The following TMEM217 variants were observed in gnomAD, a reference collection of about 807,000 sequenced individuals.
TMEM217 encodes the protein chromosome 6 open reading frame 128.
For synonymous variants in TMEM217, 76 were observed against 88.3 expected (o/e 0.86, Z 0.78); for missense variants, 204 against 248.8 (o/e 0.82, Z 1.21).
At chr6:37,215,355 T>C, downstream of TMEM217, 1 of 1,522,412 alleles carries the variant, frequency 6.6e-7, no homozygotes, top group Non-Finnish European at 8.8e-7. Flanking sequence ...GGCAGGCGGA[T>C]CACGAGGTCA....
At position 37,218,520 on chromosome 6, in the gene TMEM217, T is replaced by A; in HGVS notation, c.511A>T (p.Thr171Ser). 3.7e-6 allele frequency: 6 copies of A among 1,614,170 alleles called. No individual in the cohort carries two copies. The South Asian group carries it at 6.6e-5, about 18-fold the overall frequency. ...TTTCTGCTGTGGAGAATCTCCGCTG[T>A]AGAAATTCGTCTCTTGTAGGAAATT... Residue 171 changes from threonine to serine, a missense_variant, in exon 2 of 2, where the codon ACA becomes TCA. By Grantham distance (58) the Thr-to-Ser change is moderately conservative (BLOSUM62 1). Transcript: ENST00000357219.
At chr6:37,228,987 A>G (rs1015190516) in intron 1 of TMEM217, among the ~76,000 whole-genome samples, 1 of 151,462 alleles carries the variant, frequency 6.6e-6, no homozygotes, top group Non-Finnish European at 1.5e-5. Flanking sequence ...ACAGAGAGAG[A>G]CTCCGTCTCA....
At chr6:37,228,893 A>G (rs1764003032) in intron 1 of TMEM217, among the ~76,000 whole-genome samples, 1 of 151,384 alleles carries the variant, frequency 6.6e-6, no homozygotes, top group African/African-American at 2.4e-5. Flanking sequence ...GCTACTCAGG[A>G]GGCCGAGGCA....
chr6:37,238,363 A>T (rs1764598693), intron 1 of TMEM217, among the ~76,000 whole-genome samples: 1 of 152,216 alleles, frequency 6.6e-6, no homozygotes, highest in Non-Finnish European at 1.5e-5. Flanking sequence ...TGCATATAAA[A>T]CTACTATTTA....
intron 1 of TMEM217, among the ~76,000 whole-genome samples, chr6:37,235,166 C>CT (rs1300871166): frequency 6.6e-6 from 1 of 152,024 alleles, no homozygotes; most frequent in Non-Finnish European, 1.5e-5. Flanking sequence ...TAGAACAAAG[C>CT]TTTTTTTACT....
At chr6:37,240,638 T>A (rs1221056729) in intron 1 of TMEM217, among the ~76,000 whole-genome samples, 2 of 152,158 alleles carry the variant, frequency 1.3e-5, no homozygotes, top group African/African-American at 4.8e-5. Context: ...AGGGTGTAAA[T>A]ACCAGGAGGC....
intron 1 of TMEM217, among the ~76,000 whole-genome samples, chr6:37,222,176 A>G (rs1167798572): frequency 6.6e-6 from 1 of 152,220 alleles, no homozygotes; most frequent in Non-Finnish European, 1.5e-5. Flanking sequence ...GGCCATGGGC[A>G]GGCTGGAAGA....
At chr6:37,228,073 G>T (rs1303353721) in intron 1 of TMEM217, among the ~76,000 whole-genome samples, 1 of 152,096 alleles carries the variant, frequency 6.6e-6, no homozygotes, top group African/African-American at 2.4e-5. Context: ...AGCTAGGCAA[G>T]TCAAATAAAT....
downstream of TMEM217, among the ~76,000 whole-genome samples, chr6:37,217,046 C>A (rs563476762): frequency 6.6e-6 from 1 of 152,302 alleles, no homozygotes; most frequent in East Asian, 1.9e-4. Flanking sequence ...GTACTCCCAG[C>A]ACTTTGGGAG....
At chr6:37,252,500 A>G (rs1163301082) in intron 1 of TMEM217, among the ~76,000 whole-genome samples, 1 of 142,390 alleles carries the variant, frequency 7.0e-6, no homozygotes, top group Non-Finnish European at 1.5e-5. Context: ...ACATGTATGC[A>G]TATATATATG....
chr6:37,235,461 G>C (rs1764449993), intron 1 of TMEM217, among the ~76,000 whole-genome samples: 1 of 152,064 alleles, frequency 6.6e-6, no homozygotes, highest in South Asian at 2.1e-4. Flanking sequence ...CGCCTCCCAG[G>C]TTCACGCCAT....
chr6:37,216,239 C>T (rs143981081), downstream of TMEM217, among the ~76,000 whole-genome samples: 17 of 152,080 alleles, frequency 1.1e-4, no homozygotes, highest in African/African-American at 2.2e-4. Flanking sequence ...CCACTATACC[C>T]GCCTAATTTT....
intron 1 of TMEM217, among the ~76,000 whole-genome samples, chr6:37,238,826 T>A (rs924955749): frequency 2.6e-5 from 4 of 152,234 alleles, no homozygotes; most frequent in African/African-American, 4.8e-5. Context: ...TATTGATATA[T>A]GATTTTAAAA....
At chr6:37,257,927 G>C (rs771636551) in exon 1 of TMEM217, 16 of 1,614,004 alleles carry the variant, frequency 9.9e-6, no homozygotes, top group Non-Finnish European at 2.5e-6. Flanking sequence ...AATGGCCGCT[G>C]AGAACAGCAA....
exon 2 of TMEM217, chr6:37,218,502 T>C: frequency 6.2e-7 from 1 of 1,614,148 alleles, no homozygotes; most frequent in Non-Finnish European, 8.5e-7. Flanking sequence ...TTATTTCTGC[T>C]GTGGAGAATC....
At chr6:37,213,964 G>A (rs1410751317), downstream of TMEM217, among the ~76,000 whole-genome samples, 1 of 152,168 alleles carries the variant, frequency 6.6e-6, no homozygotes, top group Non-Finnish European at 1.5e-5. Flanking sequence ...GTCCAATGGG[G>A]GACAACTTGT....
intron 1 of TMEM217, among the ~76,000 whole-genome samples, chr6:37,230,573 C>T (rs1290365891): frequency 6.6e-6 from 1 of 152,028 alleles, no homozygotes; most frequent in African/African-American, 2.4e-5. Flanking sequence ...AGAGGGATGA[C>T]CATGTGAAAA....
exon 2 of TMEM217, chr6:37,218,324 A>G: frequency 1.7e-6 from 2 of 1,174,646 alleles, no homozygotes; most frequent in Non-Finnish European, 2.3e-6. Context: ...GTGTGCCGCC[A>G]CGCCTGGCTA....
chr6:37,219,411 G>C (rs1231025448), intron 1 of TMEM217, among the ~76,000 whole-genome samples: 1 of 152,204 alleles, frequency 6.6e-6, no homozygotes, highest in Non-Finnish European at 1.5e-5. Flanking sequence ...TATGTAGCCA[G>C]TGTTGGAAAA....
Sources: gnomAD v4.1 joint callset for allele counts (sites outside exome capture counted in the v4.1 genomes callset) on GRCh38, gnomAD v4.1.1 for gene constraint, MANE v1.5 for transcripts, NCBI Gene and HGNC (gene_info 2026-07-23, HGNC 2026-07-21) for gene names.